Variants in OPCML observed in about 807,000 individuals in gnomAD.
The protein encoded by OPCML is opioid-binding protein/cell adhesion molecule.
In OPCML, 13 loss-of-function variants were observed where a neutral mutation model predicts 37.8. The ratio of observed to expected loss-of-function variants is 0.34; its 90% CI spans 0.22 to 0.55. The LOEUF (loss-of-function observed/expected upper bound fraction) is 0.55. OPCML is among the 20% of genes least tolerant of loss of function. The probability of loss-of-function intolerance (pLI) is 0.91; values close to 1 mark genes in which losing one functional copy is unlikely to be tolerated. For synonymous variants in OPCML, 176 were observed against 168.8 expected (o/e 1.04, Z -0.33); for missense variants, 341 against 435.6 (o/e 0.78, Z 1.93).
At chr11:132,741,007 A>T (rs1412988078) in intron 2 of OPCML, among the ~76,000 whole-genome samples, 1 of 152,182 alleles carries the variant, frequency 6.6e-6, no homozygotes, top group Admixed American at 6.5e-5. Context: ...TCAAAGTTCA[A>T]ATCCAGCATC....
intron 1 of OPCML, among the ~76,000 whole-genome samples, chr11:133,053,227 C>T (rs946405453): frequency 2.0e-5 from 3 of 152,180 alleles, no homozygotes; most frequent in African/African-American, 7.2e-5. Context: ...CTGAAAAATG[C>T]CTTGAGCTCA....
At chr11:133,091,929 CG>C (rs1416117340) in intron 1 of OPCML, among the ~76,000 whole-genome samples, 7 of 151,986 alleles carry the variant, frequency 4.6e-5, no homozygotes, top group Non-Finnish European at 8.8e-5. Flanking sequence ...AATTTGGAGG[CG>C]TAGGGGTGGA....
At chr11:132,604,164 T>C (rs1247858827) in intron 3 of OPCML, among the ~76,000 whole-genome samples, 1 of 152,166 alleles carries the variant, frequency 6.6e-6, no homozygotes, top group African/African-American at 2.4e-5. Flanking sequence ...GTGACCTCTG[T>C]TGGGCTCCAT....
intron 1 of OPCML, among the ~76,000 whole-genome samples, chr11:133,382,428 T>C (rs1448972755): frequency 6.6e-6 from 1 of 152,170 alleles, no homozygotes; most frequent in Admixed American, 6.5e-5. Flanking sequence ...GCCAATCATC[T>C]TCCTCTCGTT....
chr11:133,093,608 GGTCT>G (rs1185530852), intron 1 of OPCML, among the ~76,000 whole-genome samples: 2 of 152,254 alleles, frequency 1.3e-5, no homozygotes, highest in East Asian at 3.9e-4. Context: ...AGCCCATATT[GGTCT>G]GTCTCAAAAG....
chr11:133,136,414 C>T (rs1949691039), intron 1 of OPCML, among the ~76,000 whole-genome samples: 1 of 152,156 alleles, frequency 6.6e-6, no homozygotes, highest in Admixed American at 6.5e-5. Context: ...TTTGCAAGCA[C>T]TGCAGAGACA....
chr11:133,354,397 G>T (rs146019432), intron 1 of OPCML, among the ~76,000 whole-genome samples: 89 of 120,436 alleles, frequency 7.4e-4, no homozygotes, highest in South Asian at 1.3e-3. Context: ...AATGCATACT[G>T]AATGCTTACT....
intron 1 of OPCML, among the ~76,000 whole-genome samples, chr11:132,957,975 G>A (rs1227732437): frequency 1.3e-5 from 2 of 152,126 alleles, no homozygotes; most frequent in African/African-American, 2.4e-5. Flanking sequence ...CAAATGAAAG[G>A]AAGAGTTGCA....
rs184137093 is a variant in OPCML, at chr11:133,305,751, G to A, written c.61+226513C>T. 4.9e-3 allele frequency among the ~76,000 whole-genome samples: 746 copies of A among 152,220 alleles called. 2 individuals are homozygous for A. Among genetic ancestry groups the A allele is most frequent in the Non-Finnish European group, 6.6e-3 (450 of 68,004 alleles). ...CATCCTGGGACCTCCTTCCGCAGGC[G>A]TTCCCTCAGAGCAGAAGTCTTTTTC... On this transcript the variant is annotated intron_variant, in intron 1 of 7. Coordinates refer to ENST00000524381, the MANE Select transcript of OPCML (RefSeq NM_001012393.5).
At chr11:132,896,675 T>C (rs1943861977) in intron 2 of OPCML, among the ~76,000 whole-genome samples, 1 of 152,216 alleles carries the variant, frequency 6.6e-6, no homozygotes, top group South Asian at 2.1e-4. Context: ...GAATCTTCAC[T>C]GCCTTTCCCT....
rs564946794 is a variant in OPCML at position 133,458,668 on chromosome 11, T to C, written c.61+73596A>G. 2.1e-4 allele frequency among the ~76,000 whole-genome samples: 30 copies of C among 141,368 alleles called. 2 individuals carry two copies. The highest frequency in any genetic ancestry group is 5.6e-4 in the African/African-American group (19 of 34,134). 92.7% of individuals were successfully genotyped at this position (141,368 alleles called of 152,430 possible). On this transcript the variant is annotated intron_variant, in intron 1 of 7. Coordinates refer to ENST00000524381, the MANE Select transcript of OPCML (RefSeq NM_001012393.5). ...ATAGATGCACGTGTGTGTGTATATA[T>C]ACACATAGATGCACGTGTGTGTGTA...
chr11:133,088,163 T>A (rs1948845870), intron 1 of OPCML, among the ~76,000 whole-genome samples: 1 of 152,178 alleles, frequency 6.6e-6, no homozygotes, highest in Admixed American at 6.5e-5. Context: ...GTACTATTAC[T>A]TACTGTAGGC....
intron 1 of OPCML, among the ~76,000 whole-genome samples, chr11:133,210,488 G>A (rs987166973): frequency 6.6e-6 from 1 of 151,956 alleles, no homozygotes. Context: ...TTCCCTTCAA[G>A]GTTTTTGTTA....
At chr11:132,944,712 C>A (rs1945706417) in intron 1 of OPCML, among the ~76,000 whole-genome samples, 1 of 152,182 alleles carries the variant, frequency 6.6e-6, no homozygotes, top group Non-Finnish European at 1.5e-5. Context: ...AAGCCAGCCT[C>A]CCCCTTTCTT....
chr11:133,283,923 G>A (rs984632492), intron 1 of OPCML, among the ~76,000 whole-genome samples: 2 of 152,012 alleles, frequency 1.3e-5, no homozygotes, highest in Non-Finnish European at 2.9e-5. Context: ...TGAGGAGCTG[G>A]CCTGACACTC....
chr11:132,603,408 G>A (rs1025883114), intron 3 of OPCML, among the ~76,000 whole-genome samples: 14 of 152,090 alleles, frequency 9.2e-5, no homozygotes, highest in Admixed American at 1.3e-4. Flanking sequence ...CATTCAGTTC[G>A]TCACCAGTTC....
intron 3 of OPCML, among the ~76,000 whole-genome samples, chr11:132,641,309 C>A (rs988610667): frequency 6.6e-6 from 1 of 152,168 alleles, no homozygotes; most frequent in African/African-American, 2.4e-5. Flanking sequence ...CACTGAGAGG[C>A]CCTTCCACGC....
intron 1 of OPCML, among the ~76,000 whole-genome samples, chr11:133,014,504 C>A (rs1400033240): frequency 6.6e-6 from 1 of 152,148 alleles, no homozygotes; most frequent in African/African-American, 2.4e-5. Flanking sequence ...GGCAGGGCAG[C>A]GCTAAAGGTC....
intron 2 of OPCML, among the ~76,000 whole-genome samples, chr11:132,695,567 C>T (rs1400967014): frequency 6.6e-6 from 1 of 152,140 alleles, no homozygotes; most frequent in Non-Finnish European, 1.5e-5. Context: ...CTAGTCTGTG[C>T]TAGGCTTAGT....
Sources: gnomAD v4.1 joint callset for allele counts (sites outside exome capture counted in the v4.1 genomes callset) on GRCh38, gnomAD v4.1.1 for gene constraint, MANE v1.5 for transcripts, NCBI Gene and HGNC (gene_info 2026-07-23, HGNC 2026-07-21) for gene names.